Variants in MAU2 observed in about 807,000 individuals in gnomAD.
MAU2 encodes the protein MAU2 sister chromatid cohesion factor.
In MAU2, 9 loss-of-function variants were observed where a neutral mutation model predicts 89.1. That is an observed-to-expected ratio of 0.10 (90% confidence interval 0.06 to 0.18). The LOEUF is 0.18. MAU2 is among the 10% of genes least tolerant of loss of function. The probability of loss-of-function intolerance (pLI) is 1.00; values close to 1 mark genes in which losing one functional copy is unlikely to be tolerated. For synonymous variants in MAU2, 357 were observed against 343.4 expected (o/e 1.04, Z -0.44); for missense variants, 425 against 803.5 (o/e 0.53, Z 5.69).
At chr19:19,341,437 G>C in intron 7 of MAU2, 30 bp downstream of exon 7, 5 of 1,611,448 alleles carry the variant, frequency 3.1e-6, no homozygotes, top group Non-Finnish European at 4.2e-6. Flanking sequence ...CGAGCTGCTG[G>C]TTGTGACCAG....
chr19:19,328,093 G>A lies in MAU2; in HGVS notation c.276+6958G>A, dbSNP rs138220873. Among the ~76,000 whole-genome samples, 747 of 150,932 alleles carry A rather than the reference G, an allele frequency of 4.9e-3. 12 individuals carry two copies. Among genetic ancestry groups the A allele is most frequent in the Non-Finnish European group, 4.5e-3 (303 of 67,830 alleles). ...GAGGATCACTTGAGCCCAGGAGGTC[G>A]AGGCATCAGTGAGCCGTGTTCCTGC... is the stretch of plus-strand genomic sequence containing the variant. On this transcript the variant is annotated intron_variant, in intron 1 of 18. Coordinates refer to ENST00000262815, the MANE Select transcript of MAU2 (RefSeq NM_015329.4).
At chr19:19,351,770 T>C (rs1393685242) in intron 16 of MAU2, among the ~76,000 whole-genome samples, 1 of 151,648 alleles carries the variant, frequency 6.6e-6, no homozygotes, top group African/African-American at 2.4e-5. Flanking sequence ...TGCATGTCTC[T>C]GTCATCCATC....
rs191654042 is a variant in MAU2, at chr19:19,342,719, G to A, written c.882+38G>A. 13,387 of 1,613,316 alleles carry A rather than the reference G, an allele frequency of 8.3e-3. 77 individuals are homozygous for A. Among genetic ancestry groups the A allele is most frequent in the Non-Finnish European group, 0.01 (12,105 of 1,179,620 alleles). ...CAGGGCCCGGGCCAGGGCTGGGGGC[G>A]GGGGCAGGGAGAGGGAGAGGGCCCT... On this transcript the variant is annotated intron_variant, in intron 8 of 18. Transcript: ENST00000262815.
At chr19:19,350,697 G>A (rs920326246) in intron 16 of MAU2, among the ~76,000 whole-genome samples, 14 of 151,436 alleles carry the variant, frequency 9.2e-5, no homozygotes, top group Admixed American at 5.9e-4. Flanking sequence ...TCAGGAGATC[G>A]AGACCATCCT....
chr19:19,331,418 C>T (rs992085582), intron 1 of MAU2, among the ~76,000 whole-genome samples: 3 of 151,452 alleles, frequency 2.0e-5, no homozygotes, highest in Admixed American at 6.6e-5. Context: ...AGGAGAATGG[C>T]GTGAACCTGG....
intron 10 of MAU2, 22 bp downstream of exon 10, chr19:19,343,962 G>C (rs752672321): frequency 3.8e-6 from 6 of 1,596,112 alleles, no homozygotes; most frequent in Non-Finnish European, 4.3e-6. Flanking sequence ...AGCAGGAGGG[G>C]CGGGAAGGCC....
At chr19:19,342,249 G>A (rs187197131) in intron 7 of MAU2, among the ~76,000 whole-genome samples, 78 of 152,308 alleles carry the variant, frequency 5.1e-4, no homozygotes, top group Admixed American at 1.3e-3. Context: ...ACCAAGTGCA[G>A]CTCCAGCAGG....
intron 12 of MAU2, chr19:19,346,985 C>G (rs1171018252): frequency 5.5e-6 from 2 of 365,102 alleles, no homozygotes; most frequent in Non-Finnish European, 1.0e-5. Context: ...GGTCTCAGTC[C>G]TGAGAGACAG....
intron 9 of MAU2, 81 bp from the exon 10 acceptor site, chr19:19,343,756 A>G (rs1758777824): frequency 4.0e-6 from 4 of 1,010,018 alleles, no homozygotes; most frequent in Non-Finnish European, 6.2e-6. Context: ...AGGAGACAGG[A>G]ACGAGGTGGG....
intron 3 of MAU2, 61 bp from the exon 4 acceptor site, chr19:19,337,109 C>G (rs983557063): frequency 7.6e-7 from 1 of 1,316,806 alleles, no homozygotes; most frequent in Non-Finnish European, 1.1e-6. Flanking sequence ...AGGAATCCAG[C>G]TTGATTGCCG....
chr19:19,335,535 A>G (rs1226641631), intron 1 of MAU2, among the ~76,000 whole-genome samples, 183 bp from the exon 2 acceptor site: 1 of 152,112 alleles, frequency 6.6e-6, no homozygotes, highest in Non-Finnish European at 1.5e-5. Context: ...TATAGCTTCC[A>G]TTCCCCTGGC....
In MAU2 at chr19:19,345,844, AGACGGGGGCCCCGC is replaced by A. The variant is rs1392882764; in HGVS notation, c.1221+476_1221+489del. Among the ~76,000 whole-genome samples the A allele has an allele frequency of 6.6e-6, 1 of 152,150 alleles. No homozygotes were observed. Among genetic ancestry groups the A allele is most frequent in the East Asian group, 1.9e-4 (1 of 5,190 alleles). On this transcript the variant is annotated intron_variant, in intron 12 of 18. Transcript: ENST00000262815. The surrounding 1 kb of genome is among the most constrained non-coding windows in gnomAD (Gnocchi z 4.9). Reference sequence around the variant, plus strand: ...AGCAGCACCCCAGGCTCCTGGCCTTAGACGGGGGCCCCGCCAGGCCCTGGAAGAAGGCTGGTGCC... The same window carrying A: ...AGCAGCACCCCAGGCTCCTGGCCTTACAGGCCCTGGAAGAAGGCTGGTGCC...
At chr19:19,330,239 C>T (rs972186455) in intron 1 of MAU2, among the ~76,000 whole-genome samples, 2 of 151,700 alleles carry the variant, frequency 1.3e-5, no homozygotes, top group Admixed American at 6.6e-5. Context: ...CTTGGCCTCC[C>T]AAAGTGCCAG....
intron 16 of MAU2, 115 bp from the exon 17 acceptor site, chr19:19,354,238 TCA>T (rs990579070): frequency 1.4e-6 from 1 of 737,290 alleles, no homozygotes; most frequent in Non-Finnish European, 2.4e-6. Context: ...CAGAAGGAGG[TCA>T]CAACCTGGGC....
rs1254220598 is a variant in MAU2, at chr19:19,324,229, T to C, written c.276+3094T>C. Among the ~76,000 whole-genome samples the C allele has an allele frequency of 2.0e-5, 3 of 152,164 alleles. 1 individual carries two copies. The highest frequency in any genetic ancestry group is 4.2e-4 in the South Asian group (2 of 4,818). ...GCAGAGGTAGTGAGAGAGTCTCTATTTGTGGGAGTGACATTTGAGCAGAGG... is the reference window on the plus strand; with the variant it reads ...GCAGAGGTAGTGAGAGAGTCTCTATCTGTGGGAGTGACATTTGAGCAGAGG... On this transcript the variant is annotated intron_variant, in intron 1 of 18. Transcript: ENST00000262815.
chr19:19,348,611 C>T, intron 13 of MAU2: 1 of 580,382 alleles, frequency 1.7e-6, no homozygotes, highest in Non-Finnish European at 3.1e-6. Flanking sequence ...AGGCCAGCCC[C>T]TCAGCACCAC....
intron 2 of MAU2, 122 bp downstream of exon 2, chr19:19,335,857 C>T (rs1667189276): frequency 1.7e-6 from 2 of 1,151,414 alleles, no homozygotes; most frequent in Non-Finnish European, 2.6e-6. Flanking sequence ...GCCCACAGAG[C>T]ACCTGGAGTG....
At chr19:19,322,815 C>T (rs2061472281) in intron 1 of MAU2, among the ~76,000 whole-genome samples, 1 of 152,174 alleles carries the variant, frequency 6.6e-6, no homozygotes, top group Non-Finnish European at 1.5e-5. Flanking sequence ...CTAGTAACAA[C>T]TTGCCTTGAG....
In MAU2 at chr19:19,336,156, C is replaced by G; in HGVS notation, c.329C>G (p.Ala110Gly). The change falls in exon 3 of 19, where the codon GCA becomes GGA. Residue 110 changes from alanine (A) to glycine (G), a missense_variant. Ala to Gly is a moderately conservative substitution (Grantham distance 60, BLOSUM62 0). Around this residue, in one of 11 missense-constraint regions of MAU2, gnomAD observed 119 missense variants for 299.8 expected, o/e 0.40. Coordinates refer to ENST00000262815, the MANE Select transcript of MAU2 (RefSeq NM_015329.4). ...TTCGAAGATGTTAAATTTGAAGCAGCAAGTCTGTTGTCTGAATTGTACTGT... is the reference window on the plus strand; with the variant it reads ...TTCGAAGATGTTAAATTTGAAGCAGGAAGTCTGTTGTCTGAATTGTACTGT... ...PQFEDVKFEA[A>G]SLLSELYCQE... The G allele has an allele frequency of 1.2e-6, 2 of 1,613,340 alleles. No homozygotes were observed. Among genetic ancestry groups the G allele is most frequent in the Non-Finnish European group, 1.7e-6 (2 of 1,179,422 alleles).
Sources: gnomAD v4.1 joint callset for allele counts (sites outside exome capture counted in the v4.1 genomes callset) on GRCh38, gnomAD v4.1.1 for gene constraint, gnomAD v4.1.1 regional missense constraint, Gnocchi (gnomAD v3.1) non-coding constraint, MANE v1.5 for transcripts, NCBI Gene and HGNC (gene_info 2026-07-23, HGNC 2026-07-21) for gene names.